The following PNPLA2 variants were observed in gnomAD, a reference collection of about 807,000 sequenced individuals.
PNPLA2 encodes patatin-like phospholipase domain-containing protein 2.
In PNPLA2, 28 loss-of-function variants were observed where a neutral mutation model predicts 39.7. That is an observed-to-expected ratio of 0.70 (90% CI 0.52 to 0.97). The LOEUF (loss-of-function observed/expected upper bound fraction) is 0.97, where lower values mean the gene tolerates loss of function less well. Among genes scored for constraint, PNPLA2 ranks in the 50% least tolerant of loss-of-function variants. The probability of loss-of-function intolerance (pLI) is 0.00; values close to 1 mark genes in which losing one functional copy is unlikely to be tolerated. For synonymous variants in PNPLA2, 392 were observed against 321.1 expected, an observed-to-expected ratio of 1.22 and a Z score of -2.36; for missense variants, 768 against 698.2, an observed-to-expected ratio of 1.10 and a Z score of -1.13.
Position 825,227 on chromosome 11 carries a change from C to T in PNPLA2, c.*365C>T, listed in dbSNP as rs1470356451. On this transcript the variant is annotated 3_prime_UTR_variant, in exon 10 of 10. Transcript: ENST00000336615. ...TAAATGCTGCAGCCCAGCCTCTGCCCACTTTGTGTGTATGTGACCGCCTGC... is the reference window on the plus strand; with the variant it reads ...TAAATGCTGCAGCCCAGCCTCTGCCTACTTTGTGTGTATGTGACCGCCTGC... The T allele has an allele frequency of 1.4e-5, 5 of 363,692 alleles. No homozygotes were observed. The highest frequency in any genetic ancestry group is 2.3e-5 in the South Asian group (1 of 42,800). 22.5% of individuals were successfully genotyped at this position (363,692 alleles called of 1,614,324 possible).
In PNPLA2 at chr11:824,512, C is replaced by G; in HGVS notation, c.1176-11C>G. 6.5e-7 allele frequency: 1 copy of G among 1,546,416 alleles called. No individual in the cohort carries two copies. The highest frequency in any genetic ancestry group is 8.7e-7 in the Non-Finnish European group (1 of 1,147,942). On this transcript the variant is annotated splice_polypyrimidine_tract_variant and intron_variant, in intron 9 of 9. Coordinates refer to ENST00000336615, the MANE Select transcript of PNPLA2 (RefSeq NM_020376.4). ...AGCTGAAGCCCTCCCTGCCGCATCC[C>G]TGCCCCGCAGGCTGCCGGAGCAGGT...
At chr11:820,631 C>T (rs1343528873) in intron 2 of PNPLA2, among the ~76,000 whole-genome samples, 1 of 152,198 alleles carries the variant, frequency 6.6e-6, no homozygotes, top group Admixed American at 6.5e-5. Flanking sequence ...CTTCAGGAGC[C>T]TGTGAGGACA....
At chr11:821,569 G>A in intron 2 of PNPLA2, 59 bp from the exon 3 acceptor site, 1 of 1,189,318 alleles carries the variant, frequency 8.4e-7, no homozygotes. Context: ...GGCTATGAAG[G>A]AAGGTGGGTG....
At chr11:820,243 C>G (rs1194944653) in intron 2 of PNPLA2, among the ~76,000 whole-genome samples, 7 of 152,236 alleles carry the variant, frequency 4.6e-5, no homozygotes, top group Non-Finnish European at 1.0e-4. Context: ...CCCCGTGGCC[C>G]TGGATATTAC....
rs1006765511 is a variant in PNPLA2, at chr11:824,038, C to G, written c.960C>G (p.Thr320=). 6.2e-7 allele frequency: 1 copy of G among 1,610,710 alleles called. No homozygotes were observed. Among genetic ancestry groups the G allele is most frequent in the Non-Finnish European group, 8.5e-7 (1 of 1,179,444 alleles). Reference sequence around the variant, plus strand: ...GCGTGGAGCCCACGGACCTGCTGACCACCCTCTCCAACATGCTGCCTGTGC... The same window carrying G: ...GCGTGGAGCCCACGGACCTGCTGACGACCCTCTCCAACATGCTGCCTGTGC... ...EACVEPTDLL[T]TLSNMLPVRL... Residue 320 remains threonine (T), a synonymous_variant, in exon 8 of 10, where the codon ACC becomes ACG. Coordinates refer to ENST00000336615, the MANE Select transcript of PNPLA2 (RefSeq NM_020376.4).
intron 2 of PNPLA2, among the ~76,000 whole-genome samples, chr11:820,360 G>T (rs573587147): frequency 6.6e-6 from 1 of 152,202 alleles, no homozygotes; most frequent in Non-Finnish European, 1.5e-5. Flanking sequence ...TGGGAACCGT[G>T]ACCTGGTCCT....
At position 824,453 on chromosome 11, in the gene PNPLA2, G is replaced by A. The variant is rs757575326; in HGVS notation, c.1175+17G>A. The A allele has an allele frequency of 3.2e-6, 5 of 1,550,358 alleles. No individual in the cohort carries two copies. Among genetic ancestry groups the A allele is most frequent in the Non-Finnish European group, 4.4e-6 (5 of 1,147,606 alleles). On this transcript the variant is annotated intron_variant, in intron 9 of 9. Coordinates refer to ENST00000336615, the MANE Select transcript of PNPLA2 (RefSeq NM_020376.4). ...GCCCTCCAGGTGAGCCGCCGACCGC[G>A]CGTCCACCCGGGGCCCGCGGTGCTA...
chr11:821,468 A>G, intron 2 of PNPLA2, 160 bp from the exon 3 acceptor site: 1 of 665,512 alleles, frequency 1.5e-6, no homozygotes, highest in Non-Finnish European at 2.7e-6. Flanking sequence ...CTGCCATCCC[A>G]GGGGAGGTGG....
At position 824,805 on chromosome 11, in the gene PNPLA2, C is replaced by CT. The variant is rs1264283731; in HGVS notation, c.1460dup (p.Leu487PhefsTer65). 1 of 1,534,320 alleles carries CT rather than the reference C, an allele frequency of 6.5e-7. No homozygotes were observed. Among genetic ancestry groups the CT allele is most frequent in the Non-Finnish European group, 8.7e-7 (1 of 1,146,004 alleles). The stretch of plus-strand genomic sequence containing the variant: ...AGCACCAGCTGGCCGGGCCTGCCCC[C>CT]TTGCTGAGCACCCCTGCTCCCGAGG... On this transcript the variant is annotated frameshift_variant, in exon 10 of 10. Coordinates refer to ENST00000336615, the MANE Select transcript of PNPLA2 (RefSeq NM_020376.4). LOFTEE classifies it low-confidence loss of function (END_TRUNC).
In PNPLA2 at chr11:822,381, G is replaced by A; in HGVS notation, c.487-16G>A. 6.2e-7 allele frequency: 1 copy of A among 1,611,094 alleles called. No homozygotes were observed. The highest frequency in any genetic ancestry group is 1.7e-5 in the Admixed American group (1 of 60,026). On this transcript the variant is annotated splice_polypyrimidine_tract_variant and intron_variant, in intron 4 of 9. Coordinates refer to ENST00000336615, the MANE Select transcript of PNPLA2 (RefSeq NM_020376.4). ...CAGGCCCTCACATACGGTCCTGTCT[G>A]TGTGTCCCGTGGAAGCGCTACGTGG...
rs1417646590 is a variant in PNPLA2 at position 824,865 on chromosome 11, C to T, written c.*3C>T. On this transcript the variant is annotated 3_prime_UTR_variant, in exon 10 of 10. Coordinates refer to ENST00000336615, the MANE Select transcript of PNPLA2 (RefSeq NM_020376.4). ...TGATCGGGGCCCTGGGGCTGTGAGA[C>T]CCCGACCCTCTCGAGGAACCCTGCC... The T allele has an allele frequency of 6.5e-7, 1 of 1,532,754 alleles. No individual in the cohort carries two copies. Among genetic ancestry groups the T allele is most frequent in the Non-Finnish European group, 8.7e-7 (1 of 1,144,514 alleles). 94.9% of individuals were successfully genotyped at this position (1,532,754 alleles called of 1,614,324 possible). A position where few individuals can be genotyped will look rare whatever the true frequency, so the allele number is the denominator to read the frequency against.
chr11:824,086 G>T lies in PNPLA2; in HGVS notation c.1008G>T (p.Val336=), dbSNP rs1363392227. ...LPVRLATAMM[V]PYTLPLESAL... ...TGCGTCTGGCCACGGCCATGATGGTGCCCTACACGCTGCCGCTGGAGAGCG... is the reference window on the plus strand; with the variant it reads ...TGCGTCTGGCCACGGCCATGATGGTTCCCTACACGCTGCCGCTGGAGAGCG... The change falls in exon 8 of 10, where the codon GTG becomes GTT. Residue 336 remains valine, a synonymous_variant. Transcript: ENST00000336615. The T allele has an allele frequency of 6.2e-7, 1 of 1,606,360 alleles. No homozygotes were observed. The highest frequency in any genetic ancestry group is 2.2e-5 in the East Asian group (1 of 44,572).
rs769591287 is a variant in PNPLA2, at chr11:821,876, G to A, written c.420+16G>A. 2 of 1,612,296 alleles carry A rather than the reference G, an allele frequency of 1.2e-6. No individual in the cohort carries two copies. The highest frequency in any genetic ancestry group is 1.7e-6 in the Non-Finnish European group (2 of 1,178,528). ...GCTCATCCAGGTGGGGCCTGGTGGA[G>A]CCATGCTGGGTGGCGGTGGGGGGGG... On this transcript the variant is annotated intron_variant, in intron 3 of 9. Coordinates refer to ENST00000336615, the MANE Select transcript of PNPLA2 (RefSeq NM_020376.4).
At position 822,174 on chromosome 11, in the gene PNPLA2, A is replaced by G. The variant is rs1445457730; in HGVS notation, c.486+151A>G. The G allele has an allele frequency of 1.1e-5, 9 of 793,802 alleles. No homozygotes were observed. In the African/African-American group the frequency reaches 1.2e-4, roughly 10 times the overall value. The allele number at this position is 793,802 out of a possible 1,614,324, so 49.2% of individuals were successfully genotyped here. A position where few individuals can be genotyped will look rare whatever the true frequency, so the allele number is the denominator to read the frequency against. On this transcript the variant is annotated intron_variant, in intron 4 of 9. Transcript: ENST00000336615. The stretch of plus-strand genomic sequence containing the variant: ...TGTTACTCAAGAAACAGCTGTGGCA[A>G]CGCACGCTTCCTGGCCCCCCATCCC...
Position 824,802 on chromosome 11 carries a change from C to T in PNPLA2, c.1455C>T (p.Ala485=), listed in dbSNP as rs1483219787. 2.0e-6 allele frequency: 3 copies of T among 1,533,962 alleles called. No individual in the cohort carries two copies. Among genetic ancestry groups the T allele is most frequent in the African/African-American group, 2.7e-5 (2 of 72,946 alleles). ...CGCAGCACCAGCTGGCCGGGCCTGCCCCCTTGCTGAGCACCCCTGCTCCCG... is the reference window on the plus strand; with the variant it reads ...CGCAGCACCAGCTGGCCGGGCCTGCTCCCTTGCTGAGCACCCCTGCTCCCG... ...ASPQHQLAGP[A]PLLSTPAPEA... Residue 485 remains alanine (A), a synonymous_variant, in exon 10 of 10, where the codon GCC becomes GCT. Coordinates refer to ENST00000336615, the MANE Select transcript of PNPLA2 (RefSeq NM_020376.4).
At position 825,001 on chromosome 11, in the gene PNPLA2, A is replaced by G. The variant is rs919104806; in HGVS notation, c.*139A>G. 1.3e-5 allele frequency: 10 copies of G among 759,660 alleles called. No individual in the cohort carries two copies. The highest frequency in any genetic ancestry group is 2.2e-4 in the Middle Eastern group (1 of 4,474). 47.1% of individuals were successfully genotyped at this position (759,660 alleles called of 1,614,324 possible). A position where few individuals can be genotyped will look rare whatever the true frequency, so the allele number is the denominator to read the frequency against. ...CCACTCACCAGCTGCATGCACTGAG[A>G]GGGGAGGTTTCCACACCCCTCCCCT... On this transcript the variant is annotated 3_prime_UTR_variant, in exon 10 of 10. Transcript: ENST00000336615.
Position 824,970 on chromosome 11 carries a change from C to A in PNPLA2, c.*108C>A. On this transcript the variant is annotated 3_prime_UTR_variant, in exon 10 of 10. Transcript: ENST00000336615. ...GAGGGGTCTTTGCCGTGGGCCCCCT[C>A]GCCAGCCACTCACCAGCTGCATGCA... 1.1e-6 allele frequency: 1 copy of A among 896,688 alleles called. No homozygotes were observed. The highest frequency in any genetic ancestry group is 1.7e-6 in the Non-Finnish European group (1 of 588,908). The allele number at this position is 896,688 out of a possible 1,614,324, so 55.5% of individuals were successfully genotyped here.
rs573587147 is a variant in PNPLA2 at position 820,360 on chromosome 11, G to C, written c.187+455G>C. Among the ~76,000 whole-genome samples, 88 of 152,320 alleles carry C rather than the reference G, an allele frequency of 5.8e-4. 1 individual carries two copies. Among genetic ancestry groups the C allele is most frequent in the African/African-American group, 2.0e-3 (83 of 41,586 alleles). On this transcript the variant is annotated intron_variant, in intron 2 of 9. Transcript: ENST00000336615. ...CTCTTGAGAGGCGTCTGGGAACCGT[G>C]ACCTGGTCCTTCCCAAGGGCCCGGA...
Position 824,403 on chromosome 11 carries a change from C to A in PNPLA2, c.1142C>A (p.Ala381Asp), listed in dbSNP as rs1414227017. Residue 381 changes from alanine to aspartate, a missense_variant, in exon 9 of 10, where the codon GCC becomes GAC. Transcript: ENST00000336615. ...ATCTGCCAGTACCTGGTGATGCGCG[C>A]CAAGAGGAAGCTGGGCAGGCACCTG... ...GSICQYLVMRAKRKLGRHLPS... is the reference protein window; with the variant it reads ...GSICQYLVMRDKRKLGRHLPS... The A allele has an allele frequency of 1.3e-6, 2 of 1,554,456 alleles. No individual in the cohort carries two copies. The highest frequency in any genetic ancestry group is 1.9e-5 in the Admixed American group (1 of 51,586).
Sources: gnomAD v4.1 joint callset for allele counts (sites outside exome capture counted in the v4.1 genomes callset) on GRCh38, gnomAD v4.1.1 for gene constraint, MANE v1.5 for transcripts, NCBI Gene and HGNC (gene_info 2026-07-23, HGNC 2026-07-21) for gene names.